SLC67A2: variants seen among roughly 807,000 people sequenced by gnomAD.
The protein encoded by SLC67A2 is solute carrier family 67 member A2.
chr2:102,735,974 T>G, the SLC67A2 span, among the ~76,000 whole-genome samples: 3 of 151,880 alleles, frequency 2.0e-5, no homozygotes, highest in Non-Finnish European at 4.4e-5. Flanking sequence ...AACCGAGAGC[T>G]CTAGTGAAAA....
the SLC67A2 span, chr2:102,718,881 C>T: frequency 4.2e-5 from 67 of 1,614,142 alleles, no homozygotes; most frequent in Middle Eastern, 1.6e-4. Context: ...ATGAGGTAGC[C>T]TGTCACCTTG....
chr2:102,723,751 C>T, the SLC67A2 span: 2 of 1,614,094 alleles, frequency 1.2e-6, no homozygotes, highest in Non-Finnish European at 1.7e-6. Flanking sequence ...AGATAAAACC[C>T]ATCCTCTAAT....
chr2:102,719,741 C>T, the SLC67A2 span, among the ~76,000 whole-genome samples: 2 of 152,140 alleles, frequency 1.3e-5, no homozygotes, highest in African/African-American at 4.8e-5. Flanking sequence ...AAAGAGGCAA[C>T]CAGACTGCAA....
the SLC67A2 span, chr2:102,718,212 C>G: frequency 6.6e-6 from 4 of 602,260 alleles, no homozygotes; most frequent in South Asian, 8.1e-5. Flanking sequence ...TTGCTCCAGT[C>G]TTAACCTTCC....
chr2:102,730,935 T>C, the SLC67A2 span: 2 of 1,068,004 alleles, frequency 1.9e-6, no homozygotes, highest in African/African-American at 1.6e-5. Flanking sequence ...TTTAAAGGTG[T>C]TCTCATCCCA....
chr2:102,736,619 G>A, the SLC67A2 span: 1 of 1,613,744 alleles, frequency 6.2e-7, no homozygotes, highest in Admixed American at 1.7e-5. Context: ...GTCAGCACTT[G>A]CTCCCAGCCC....
the SLC67A2 span, chr2:102,736,696 C>A: frequency 6.2e-7 from 1 of 1,613,500 alleles, no homozygotes; most frequent in South Asian, 1.1e-5. Context: ...GCTCCGACGG[C>A]ACCGGAGTCG....
chr2:102,725,355 T>C, the SLC67A2 span, among the ~76,000 whole-genome samples: 1 of 152,224 alleles, frequency 6.6e-6, no homozygotes, highest in Admixed American at 6.5e-5. Context: ...TAGTGACGGT[T>C]CATATAAGAG....
the SLC67A2 span, chr2:102,726,701 A>G: frequency 4.9e-6 from 6 of 1,226,186 alleles, no homozygotes; most frequent in Non-Finnish European, 6.7e-6. Context: ...CTTGCCAGGC[A>G]CGGCTCCCTT....
At chr2:102,727,761 T>C in the SLC67A2 span, among the ~76,000 whole-genome samples, 1 of 152,190 alleles carries the variant, frequency 6.6e-6, no homozygotes, top group East Asian at 1.9e-4. Context: ...CTGGAAAGAT[T>C]TGTAATCCCA....
chr2:102,718,683 T>C, the SLC67A2 span: 2 of 1,613,912 alleles, frequency 1.2e-6, no homozygotes, highest in South Asian at 1.1e-5. Context: ...CCAATGGCAG[T>C]GGAGAAGGAC....
At chr2:102,733,097 A>G in the SLC67A2 span, among the ~76,000 whole-genome samples, 1 of 152,234 alleles carries the variant, frequency 6.6e-6, no homozygotes, top group Non-Finnish European at 1.5e-5. Flanking sequence ...AAGGCCTAAT[A>G]AAACAATGTA....
the SLC67A2 span, among the ~76,000 whole-genome samples, chr2:102,720,970 A>C: frequency 6.6e-6 from 1 of 152,186 alleles, no homozygotes; most frequent in Non-Finnish European, 1.5e-5. Flanking sequence ...TGTGCTGTCT[A>C]GCCAGGTCAT....
the SLC67A2 span, among the ~76,000 whole-genome samples, chr2:102,714,641 A>C: frequency 1.3e-5 from 2 of 152,212 alleles, no homozygotes; most frequent in Non-Finnish European, 2.9e-5. Context: ...TACAATTATA[A>C]AGTTTTATTT....
the SLC67A2 span, chr2:102,726,857 T>C: frequency 6.3e-7 from 1 of 1,580,690 alleles, no homozygotes. Context: ...GCCGGGACTC[T>C]AGCCAGGACA....
the SLC67A2 span, among the ~76,000 whole-genome samples, chr2:102,722,317 T>A: frequency 4.6e-5 from 7 of 152,050 alleles, no homozygotes; most frequent in Non-Finnish European, 8.8e-5. Flanking sequence ...CTGGCATACA[T>A]ATGGTAGACC....
chr2:102,718,995 C>G, the SLC67A2 span: 4 of 1,614,222 alleles, frequency 2.5e-6, no homozygotes, highest in Admixed American at 6.7e-5. Context: ...TCCCACATTT[C>G]GGAAAACAGC....
the SLC67A2 span, among the ~76,000 whole-genome samples, chr2:102,723,462 T>A: frequency 6.6e-6 from 1 of 151,636 alleles, no homozygotes; most frequent in East Asian, 1.9e-4. Context: ...AGAGCAAAAC[T>A]TGGTCTCAAA....
chr2:102,730,374 C>T, the SLC67A2 span, among the ~76,000 whole-genome samples: 18 of 151,162 alleles, frequency 1.2e-4, no homozygotes, highest in East Asian at 3.4e-3. Context: ...CTACTCCATG[C>T]TGCACATATA....
Sources: gnomAD v4.1 joint callset for allele counts (sites outside exome capture counted in the v4.1 genomes callset) on GRCh38, gnomAD v4.1.1 for gene constraint, MANE v1.5 for transcripts, NCBI Gene and HGNC (gene_info 2026-07-23, HGNC 2026-07-21) for gene names.